EARS2: variants seen among roughly 807,000 people sequenced by gnomAD.
EARS2 encodes the protein glutamyl-tRNA synthetase 2, mitochondrial.
EARS2 carries 50 observed loss-of-function variants against 54.1 expected under a neutral mutation model. The observed-to-expected ratio is 0.92, with a 90% CI of 0.74 to 1.17. EARS2 has a LOEUF of 1.17. Ranked by LOEUF, EARS2 falls within the 50% of genes most tolerant of loss-of-function variation. The probability of loss-of-function intolerance (pLI) is 0.00; values close to 1 mark genes in which losing one functional copy is unlikely to be tolerated. For missense variants in EARS2, 673 were observed against 675.0 expected (o/e 1.00, Z 0.03); for synonymous variants, 298 against 281.0 (o/e 1.06, Z -0.61).
chr16:23,538,210 C>T (rs763850642), intron 3 of EARS2, among the ~76,000 whole-genome samples: 1 of 152,138 alleles, frequency 6.6e-6, no homozygotes, highest in Non-Finnish European at 1.5e-5. Context: ...CTCGCTCTGT[C>T]ACCCAGGCTG....
chr16:23,556,416 G>A (rs1369041720), intron 1 of EARS2, among the ~76,000 whole-genome samples: 4 of 151,970 alleles, frequency 2.6e-5, no homozygotes, highest in African/African-American at 4.8e-5. Flanking sequence ...GTGCAATGGC[G>A]CGATCTTGGC....
At position 23,552,151 on chromosome 16, in the gene EARS2, G is replaced by T; in HGVS notation, c.293C>A (p.Ala98Glu). Residue 98 changes from alanine (A) to glutamate (E), a missense_variant and splice_region_variant, in exon 2 of 9, where the codon GCA (alanine) becomes GAA (glutamate). By Grantham distance (107) the Ala-to-Glu change is moderately radical. Around this residue, in one of 3 missense-constraint regions of EARS2, gnomAD observed 316 missense variants for 275.2 expected, o/e 1.15. Coordinates refer to ENST00000449606, the MANE Select transcript of EARS2 (RefSeq NM_001083614.2). ...GATCCTTTCTCTGCCAGGCTTACCT[G>T]CCCACTCCAGCATGTCCTCAATATT... ...AENIEDMLEWAGIPPDESPRR... is the reference protein window; with the variant it reads ...AENIEDMLEWEGIPPDESPRR... 6.2e-7 allele frequency: 1 copy of T among 1,613,116 alleles called. No homozygotes were observed. The highest frequency in any genetic ancestry group is 8.5e-7 in the Non-Finnish European group (1 of 1,179,332).
rs76286126 is a variant in EARS2, at chr16:23,533,191, G to C, written c.959-426C>G. 1.6e-3 allele frequency among the ~76,000 whole-genome samples: 250 copies of C among 152,268 alleles called. 1 individual carries two copies. The highest frequency in any genetic ancestry group is 5.6e-3 in the African/African-American group (234 of 41,562). On this transcript the variant is annotated intron_variant, in intron 4 of 8. Coordinates refer to ENST00000449606, the MANE Select transcript of EARS2 (RefSeq NM_001083614.2). ...CCCAGCTACTCAGGAAGCTGAGGCA[G>C]GAAAATCACTTGAACCTGAGAGGCG...
At chr16:23,555,764 C>T (rs1317696897) in intron 1 of EARS2, among the ~76,000 whole-genome samples, 1 of 152,228 alleles carries the variant, frequency 6.6e-6, no homozygotes, top group Non-Finnish European at 1.5e-5. Flanking sequence ...TCTCGGCTCA[C>T]TGCAACCTCT....
chr16:23,521,883 G>C lies in EARS2; in HGVS notation c.*2488C>G. The C allele has an allele frequency of 2.2e-6, 1 of 455,802 alleles. No individual in the cohort carries two copies. The highest frequency in any genetic ancestry group is 4.4e-6 in the Non-Finnish European group (1 of 226,664). The allele number at this position is 455,802 out of a possible 1,614,324, so 28.2% of individuals were successfully genotyped here. Reference sequence around the variant, plus strand: ...CACTCAGTAGATCAGAGTTAAGCTTGGACTCTGGATCGGCACAGATCTGAG... The same window carrying C: ...CACTCAGTAGATCAGAGTTAAGCTTCGACTCTGGATCGGCACAGATCTGAG... On this transcript the variant is annotated 3_prime_UTR_variant, in exon 9 of 9. Coordinates refer to ENST00000449606, the MANE Select transcript of EARS2 (RefSeq NM_001083614.2).
chr16:23,541,421 C>T (rs1307677034), intron 3 of EARS2, among the ~76,000 whole-genome samples: 2 of 152,170 alleles, frequency 1.3e-5, no homozygotes, highest in African/African-American at 2.4e-5. Flanking sequence ...GTTATATCCA[C>T]AAATGGAATA....
intron 3 of EARS2, among the ~76,000 whole-genome samples, chr16:23,540,630 A>G (rs555511733): frequency 6.6e-6 from 1 of 152,352 alleles, no homozygotes; most frequent in East Asian, 1.9e-4. Context: ...TTTATAACCA[A>G]ATATTAGAAA....
intron 7 of EARS2, among the ~76,000 whole-genome samples, chr16:23,525,848 A>G (rs1414534695): frequency 6.6e-6 from 1 of 151,734 alleles, no homozygotes; most frequent in African/African-American, 2.4e-5. Context: ...ATACAAAAAT[A>G]TTAGCCAGGG....
chr16:23,553,568 G>C (rs1217502801), intron 1 of EARS2, among the ~76,000 whole-genome samples: 2 of 151,910 alleles, frequency 1.3e-5, no homozygotes, highest in African/African-American at 4.8e-5. Flanking sequence ...ACCAGCCTGG[G>C]CAACATTGTG....
At chr16:23,532,579 A>C in intron 5 of EARS2, 78 bp downstream of exon 5, 1 of 1,042,364 alleles carries the variant, frequency 9.6e-7, no homozygotes, top group Non-Finnish European at 1.4e-6. Flanking sequence ...ACCAGAGCCC[A>C]TTATACCCTC....
At chr16:23,545,748 C>T (rs543702027) in intron 2 of EARS2, among the ~76,000 whole-genome samples, 2 of 152,296 alleles carry the variant, frequency 1.3e-5, no homozygotes, top group Admixed American at 6.5e-5. Flanking sequence ...ACTGCAGCCT[C>T]GAACTTCCGG....
chr16:23,544,631 A>T lies in EARS2; in HGVS notation c.368T>A (p.Leu123Gln), dbSNP rs968976447. 6.2e-7 allele frequency: 1 copy of T among 1,612,566 alleles called. No homozygotes were observed. The highest frequency in any genetic ancestry group is 1.3e-5 in the African/African-American group (1 of 74,900). The change falls in exon 3 of 9, where the codon CTG becomes CAG. Residue 123 changes from leucine to glutamine, a missense_variant. Transcript: ENST00000449606. ...CAGCGCTTCTGTGGCCTGGGCATAC[A>T]GCTCCAACCGCTGAGATTGCTGGTA... is the stretch of plus-strand genomic sequence containing the variant. ...GPYQQSQRLE[L>Q]YAQATEALLK... is the part of the protein sequence containing the mutation.
rs770916034 is a variant in EARS2, at chr16:23,534,926, A to G, written c.920T>C (p.Leu307Ser). The G allele has an allele frequency of 4.4e-6, 7 of 1,597,094 alleles. No individual in the cohort carries two copies. The Admixed American group carries it at 6.8e-5, about 15-fold the overall frequency. ...GCCACAGTTGGTGATGATGTCCAAC[A>G]AGGAATCGGGCAGGAAGCCATCAGC... Reference protein sequence around the residue: ...FAADGFLPDSLLDIITNCGSG... With the variant: ...FAADGFLPDSSLDIITNCGSG... Residue 307 changes from leucine to serine, a missense_variant, in exon 4 of 9, where the codon TTG becomes TCG. By Grantham distance (145) the Leu-to-Ser change is moderately radical (BLOSUM62 -2). This residue lies in a region of EARS2 where 338 missense variants were observed against 361.2 expected (regional missense o/e 0.94). Transcript: ENST00000449606.
chr16:23,528,961 C>T (rs1322584454), intron 7 of EARS2, among the ~76,000 whole-genome samples: 8 of 152,158 alleles, frequency 5.3e-5, no homozygotes, highest in South Asian at 4.1e-4. Context: ...TGGTCAGCAT[C>T]GGCGAGTAGG....
At chr16:23,530,559 A>G (rs1965310110) in intron 5 of EARS2, among the ~76,000 whole-genome samples, 1 of 151,162 alleles carries the variant, frequency 6.6e-6, no homozygotes, top group African/African-American at 2.4e-5. Flanking sequence ...GTCACCTGCC[A>G]CTCAGTCCTG....
intron 3 of EARS2, among the ~76,000 whole-genome samples, chr16:23,543,439 C>CAAA (rs944523125): frequency 8.4e-5 from 12 of 142,598 alleles, no homozygotes; most frequent in East Asian, 2.0e-4. Flanking sequence ...ACAACAACAA[C>CAAA]AAAAAAAAAA....
intron 4 of EARS2, among the ~76,000 whole-genome samples, 192 bp from the exon 5 acceptor site, chr16:23,532,957 T>G (rs1041019934): frequency 6.6e-6 from 1 of 152,098 alleles, no homozygotes; most frequent in African/African-American, 2.4e-5. Flanking sequence ...TAGCTGGGAC[T>G]ACAGGCACAT....
At chr16:23,539,380 A>T (rs1191783796) in intron 3 of EARS2, among the ~76,000 whole-genome samples, 1 of 152,128 alleles carries the variant, frequency 6.6e-6, no homozygotes, top group African/African-American at 2.4e-5. Flanking sequence ...TCTAGGCTTG[A>T]CTTTTCCACC....
chr16:23,549,289 T>C (rs1047179688), intron 2 of EARS2, among the ~76,000 whole-genome samples: 1 of 152,084 alleles, frequency 6.6e-6, no homozygotes, highest in Non-Finnish European at 1.5e-5. Flanking sequence ...TGCCACCATG[T>C]TCCCCTCATC....
Sources: gnomAD v4.1 joint callset for allele counts (sites outside exome capture counted in the v4.1 genomes callset) on GRCh38, gnomAD v4.1.1 for gene constraint, gnomAD v4.1.1 regional missense constraint, MANE v1.5 for transcripts, NCBI Gene and HGNC (gene_info 2026-07-23, HGNC 2026-07-21) for gene names.